The following TMC7 variants were observed in gnomAD, a reference collection of about 807,000 sequenced individuals.
TMC7 encodes transmembrane channel-like protein 7.
A neutral mutation model predicts 82.9 loss-of-function variants in TMC7; 54 were observed. That is an observed-to-expected ratio of 0.65 (90% CI 0.52 to 0.82). TMC7 has a LOEUF of 0.82. Among genes scored for constraint, TMC7 ranks in the 40% least tolerant of loss-of-function variants. The probability of loss-of-function intolerance (pLI) is 0.00; values close to 1 mark genes in which losing one functional copy is unlikely to be tolerated. For synonymous variants in TMC7, 350 were observed against 337.9 expected (o/e 1.04, Z -0.39); for missense variants, 820 against 901.2 (o/e 0.91, Z 1.15).
chr16:19,003,190 T>A (rs1461865705), intron 1 of TMC7, among the ~76,000 whole-genome samples: 1 of 151,876 alleles, frequency 6.6e-6, no homozygotes, highest in Non-Finnish European at 1.5e-5. Context: ...AAGAAAAAAA[T>A]TATCCAGGTG....
intron 1 of TMC7, among the ~76,000 whole-genome samples, chr16:18,997,309 C>A (rs1032398306): frequency 2.6e-5 from 4 of 152,246 alleles, no homozygotes; most frequent in African/African-American, 9.6e-5. Context: ...ACACTGACCT[C>A]AAGTGATCAG....
chr16:19,038,684 T>G (rs1960870278), intron 8 of TMC7, among the ~76,000 whole-genome samples: 1 of 151,890 alleles, frequency 6.6e-6, no homozygotes, highest in Admixed American at 6.6e-5. Context: ...ACCCAGCTAA[T>G]TTTTGTATTT....
At chr16:19,006,837 G>A (rs1481736211) in intron 1 of TMC7, among the ~76,000 whole-genome samples, 1 of 152,084 alleles carries the variant, frequency 6.6e-6, no homozygotes, top group African/African-American at 2.4e-5. Context: ...GCTTTTTTGA[G>A]ACAAAGTCTT....
In TMC7 at chr16:18,996,718, G is replaced by A. The variant is rs552007865; in HGVS notation, c.68-12454G>A. Among the ~76,000 whole-genome samples, 24 of 152,290 alleles carry A rather than the reference G, an allele frequency of 1.6e-4. No individual in the cohort carries two copies. The East Asian group carries it at 2.3e-3, about 15-fold the overall frequency. On this transcript the variant is annotated intron_variant, in intron 1 of 15. Transcript: ENST00000304381. ...GTGGAGACACAGAGAAGGGGGTGGA[G>A]AGCAGCCCTGGGCTGCAATGTGGGT...
rs745947447 is a variant in TMC7, at chr16:19,035,659, T to C, written c.858-17T>C. The C allele has an allele frequency of 6.2e-7, 1 of 1,613,964 alleles. No homozygotes were observed. Among genetic ancestry groups the C allele is most frequent in the South Asian group, 1.1e-5 (1 of 91,080 alleles). The stretch of plus-strand genomic sequence containing the variant: ...GCTGTTGTTTCTATAAGAAGGATGA[T>C]TGTGTTTTGGGGTCAGGTCGGTGGA... On this transcript the variant is annotated splice_polypyrimidine_tract_variant and intron_variant, in intron 6 of 15. Coordinates refer to ENST00000304381, the MANE Select transcript of TMC7 (RefSeq NM_024847.4).
intron 4 of TMC7, 85 bp from the exon 5 acceptor site, chr16:19,023,028 C>A: frequency 2.5e-6 from 2 of 798,440 alleles, no homozygotes; most frequent in South Asian, 1.8e-5. Context: ...TCAGAACAAA[C>A]AAACAAACAA....
intron 1 of TMC7, among the ~76,000 whole-genome samples, chr16:19,005,329 C>T (rs1211584443): frequency 6.6e-6 from 1 of 152,132 alleles, no homozygotes; most frequent in Non-Finnish European, 1.5e-5. Context: ...ACCTCGTGAT[C>T]CACTCGCCTC....
At chr16:19,004,382 T>G (rs2039198187) in intron 1 of TMC7, among the ~76,000 whole-genome samples, 1 of 152,208 alleles carries the variant, frequency 6.6e-6, no homozygotes, top group Admixed American at 6.5e-5. Flanking sequence ...ATATATTTTT[T>G]GGGATGGAGT....
intron 1 of TMC7, among the ~76,000 whole-genome samples, chr16:18,994,289 C>T (rs1319911942): frequency 6.6e-6 from 1 of 151,914 alleles, no homozygotes; most frequent in East Asian, 1.9e-4. Flanking sequence ...AGTATTAAAG[C>T]AGCAGCAGCA....
chr16:19,060,172 C>T (rs1252651162), intron 15 of TMC7, among the ~76,000 whole-genome samples: 2 of 152,076 alleles, frequency 1.3e-5, no homozygotes, highest in Admixed American at 6.6e-5. Context: ...ACTGCAGATG[C>T]GGCTGTAGAA....
At chr16:19,054,220 C>A (rs1347813284) in intron 13 of TMC7, among the ~76,000 whole-genome samples, 1 of 151,808 alleles carries the variant, frequency 6.6e-6, no homozygotes, top group East Asian at 1.9e-4. Flanking sequence ...TTATTTTTTT[C>A]TCTCCTTTTC....
At position 19,053,565 on chromosome 16, in the gene TMC7, G is replaced by A. The variant is rs184449077; in HGVS notation, c.1871+1749G>A. Among the ~76,000 whole-genome samples the A allele has an allele frequency of 1.2e-3, 176 of 151,964 alleles. 1 individual carries two copies. Among genetic ancestry groups the A allele is most frequent in the Admixed American group, 9.8e-3 (149 of 15,214 alleles). On this transcript the variant is annotated intron_variant, in intron 13 of 15. Transcript: ENST00000304381. The stretch of plus-strand genomic sequence containing the variant: ...ATTACAGGCATGTGCCACCATGCCC[G>A]GCTAATTTTGTATTTTTAGTAAAGA...
At chr16:19,011,782 A>G (rs745868575) in intron 2 of TMC7, among the ~76,000 whole-genome samples, 1 of 152,130 alleles carries the variant, frequency 6.6e-6, no homozygotes, top group Non-Finnish European at 1.5e-5. Context: ...AGGTTTGAGA[A>G]TACATTATCT....
chr16:19,004,043 A>T (rs1025265832), intron 1 of TMC7, among the ~76,000 whole-genome samples: 7 of 1,616 alleles, frequency 4.3e-3, no homozygotes, highest in East Asian at 0.059. Flanking sequence ...AAATAAATTT[A>T]AAAAAAAAAA....
chr16:19,023,015 A>C, intron 4 of TMC7, 98 bp from the exon 5 acceptor site: 1 of 674,786 alleles, frequency 1.5e-6, no homozygotes, highest in Non-Finnish European at 2.5e-6. Flanking sequence ...GCGAGACTCC[A>C]TCTCAGAACA....
rs530741578 is a variant in TMC7, at chr16:19,061,836, G to A, written c.2165G>A (p.Arg722Lys). The change falls in exon 16 of 16, where the codon AGG (arginine) becomes AAG (lysine). Residue 722 changes from arginine to lysine, a missense_variant. Physicochemically the swap from Arg to Lys is conservative, Grantham distance 26 (BLOSUM62 2). Transcript: ENST00000304381. ...CTAACAGAAGCCCAAAGGGACATGA[G>A]GAACTAACTAGACTGAGCGTGAAGA... ...QKLTEAQRDMRN is the reference protein window; with the variant it reads ...QKLTEAQRDMKN 2 of 1,613,698 alleles carry A rather than the reference G, an allele frequency of 1.2e-6. No individual in the cohort carries two copies. The highest frequency in any genetic ancestry group is 1.7e-5 in the Admixed American group (1 of 59,970).
intron 1 of TMC7, among the ~76,000 whole-genome samples, chr16:19,008,763 T>C (rs2039284872): frequency 6.6e-6 from 1 of 152,184 alleles, no homozygotes; most frequent in South Asian, 2.1e-4. Flanking sequence ...TTTATGCTTT[T>C]TAGAGTTTTA....
At chr16:18,984,698 C>A in intron 1 of TMC7, 1 of 179,986 alleles carries the variant, frequency 5.6e-6, no homozygotes, top group Non-Finnish European at 1.1e-5. Flanking sequence ...GGCATTGTGG[C>A]TAGACAGTCA....
chr16:19,039,981 T>TG (rs563754637), intron 8 of TMC7, among the ~76,000 whole-genome samples: 115 of 151,520 alleles, frequency 7.6e-4, no homozygotes, highest in Non-Finnish European at 1.2e-3. Context: ...CCTGGCATGG[T>TG]GGGGGGTGCC....
Sources: gnomAD v4.1 joint callset for allele counts (sites outside exome capture counted in the v4.1 genomes callset) on GRCh38, gnomAD v4.1.1 for gene constraint, MANE v1.5 for transcripts, NCBI Gene and HGNC (gene_info 2026-07-23, HGNC 2026-07-21) for gene names.